The following ZCCHC2 variants were observed in gnomAD, a reference collection of about 807,000 sequenced individuals.
The protein encoded by ZCCHC2 is zinc finger CCHC domain-containing protein 2.
ZCCHC2 carries 39 observed loss-of-function variants against 103.6 expected under a neutral mutation model. The observed-to-expected ratio is 0.38, with a 90% CI of 0.29 to 0.49. ZCCHC2 has a LOEUF of 0.49. ZCCHC2 is among the 20% of genes least tolerant of loss of function. The pLI is 0.96. For synonymous variants in ZCCHC2, 687 were observed against 608.9 expected (o/e 1.13, Z -1.89); for missense variants, 1,483 against 1,491.0 (o/e 0.99, Z 0.09).
At position 62,550,478 on chromosome 18, in the gene ZCCHC2, G is replaced by A. The variant is rs767652299; in HGVS notation, c.1313+18G>A. 5.7e-6 allele frequency: 9 copies of A among 1,587,468 alleles called. No homozygotes were observed. The highest frequency in any genetic ancestry group is 2.3e-5 in the South Asian group (2 of 88,860). ...ATCCTAAGGTAATGATTTACCTGAC[G>A]CCTATCATAGCAGCATACACACAGG... On this transcript the variant is annotated intron_variant, in intron 5 of 13. Coordinates refer to ENST00000269499, the MANE Select transcript of ZCCHC2 (RefSeq NM_017742.6).
chr18:62,558,846 A>T, intron 7 of ZCCHC2, 76 bp downstream of exon 7: 1 of 951,110 alleles, frequency 1.1e-6, no homozygotes. Context: ...GAGTGAAGAA[A>T]CTGACATATA....
chr18:62,546,412 C>A (rs1915411777), intron 4 of ZCCHC2, among the ~76,000 whole-genome samples: 1 of 152,218 alleles, frequency 6.6e-6, no homozygotes, highest in Non-Finnish European at 1.5e-5. Flanking sequence ...TTATTTCTTT[C>A]TTTTCTCTCA....
chr18:62,527,182 A>G (rs1357680520), intron 1 of ZCCHC2, among the ~76,000 whole-genome samples: 1 of 151,966 alleles, frequency 6.6e-6, no homozygotes, highest in African/African-American at 2.4e-5. Flanking sequence ...TCTCTTTTCT[A>G]TTAAAGTAAG....
Position 62,574,221 on chromosome 18 carries a change from C to G in ZCCHC2, c.2140C>G (p.Gln714Glu). ...LEDPLNSPKY[Q>E]HISFMPTLHC... ...AGATCCCTTAAACTCACCCAAGTAT[C>G]AGCATATTTCTTTTATGCCAACGTT... The change falls in exon 13 of 14, where the codon CAG becomes GAG. Residue 714 changes from glutamine to glutamate, a missense_variant. This residue lies in a region of ZCCHC2 where 884 missense variants were observed against 907.5 expected (regional missense o/e 0.97). Transcript: ENST00000269499. The G allele has an allele frequency of 1.2e-6, 2 of 1,614,038 alleles. No homozygotes were observed. Among genetic ancestry groups the G allele is most frequent in the Non-Finnish European group, 1.7e-6 (2 of 1,179,898 alleles).
intron 1 of ZCCHC2, among the ~76,000 whole-genome samples, chr18:62,531,129 CTG>C (rs1007472227): frequency 2.0e-4 from 31 of 152,044 alleles, no homozygotes; most frequent in African/African-American, 7.5e-4. Flanking sequence ...ATTTTATTGA[CTG>C]TGTTTTTCGT....
intron 13 of ZCCHC2, 52 bp downstream of exon 13, chr18:62,575,602 T>C (rs1916811132): frequency 1.3e-6 from 2 of 1,553,706 alleles, no homozygotes; most frequent in African/African-American, 2.7e-5. Flanking sequence ...TCATTTCTCC[T>C]TCCTTTCCTT....
chr18:62,544,689 C>A, intron 3 of ZCCHC2, 113 bp from the exon 4 acceptor site: 1 of 792,402 alleles, frequency 1.3e-6, no homozygotes. Flanking sequence ...ATATTTCTAA[C>A]TGTTAATCTT....
At chr18:62,525,897 A>G (rs1460567397) in intron 1 of ZCCHC2, 1 of 152,168 alleles carries the variant, frequency 6.6e-6, no homozygotes, top group Non-Finnish European at 1.5e-5. Flanking sequence ...TAGAGACAAA[A>G]ACATGAATTC....
At chr18:62,563,348 T>A (rs888247169) in intron 9 of ZCCHC2, among the ~76,000 whole-genome samples, 10 of 152,200 alleles carry the variant, frequency 6.6e-5, no homozygotes, top group African/African-American at 2.4e-4. Flanking sequence ...ATTGCTTGTG[T>A]AAGATTAGTA....
Position 62,524,375 on chromosome 18 carries a change from G to A in ZCCHC2, c.939+12G>A. ...GCCCCAGGGCCCAGGTAAGGCGCAC[G>A]GAGCCTCCCTGGACTCGCGGTGCGA... is the stretch of plus-strand genomic sequence containing the variant. On this transcript the variant is annotated intron_variant, in intron 1 of 13. Coordinates refer to ENST00000269499, the MANE Select transcript of ZCCHC2 (RefSeq NM_017742.6). 1 of 1,494,948 alleles carries A rather than the reference G, an allele frequency of 6.7e-7. No individual in the cohort carries two copies. Among genetic ancestry groups the A allele is most frequent in the Non-Finnish European group, 8.9e-7 (1 of 1,126,032 alleles). 92.6% of individuals were successfully genotyped at this position (1,494,948 alleles called of 1,614,324 possible).
At chr18:62,565,141 T>G in intron 11 of ZCCHC2, 45 bp downstream of exon 11, 1 of 1,356,154 alleles carries the variant, frequency 7.4e-7, no homozygotes, top group Non-Finnish European at 1.1e-6. Context: ...CATAAATATA[T>G]TCAGCATGAT....
In ZCCHC2 at chr18:62,523,274, G is replaced by A. The variant is rs1371242505; in HGVS notation, c.-151G>A. ...CCGCCGGCCGGCCACCGCCCCCCTCGCCGGCCGAGACCCGCCCCCGGCCCC... is the reference window on the plus strand; with the variant it reads ...CCGCCGGCCGGCCACCGCCCCCCTCACCGGCCGAGACCCGCCCCCGGCCCC... On this transcript the variant is annotated 5_prime_UTR_variant, in exon 1 of 14. Transcript: ENST00000269499. 2 of 673,958 alleles carry A rather than the reference G, an allele frequency of 3.0e-6. No individual in the cohort carries two copies. Among genetic ancestry groups the A allele is most frequent in the African/African-American group, 4.1e-5 (2 of 48,714 alleles). 41.7% of individuals were successfully genotyped at this position (673,958 alleles called of 1,614,324 possible).
intron 1 of ZCCHC2, among the ~76,000 whole-genome samples, chr18:62,531,791 T>TAAAAAAAAA (rs11315078): frequency 5.3e-5 from 6 of 113,466 alleles, no homozygotes; most frequent in Non-Finnish European, 9.0e-5. Flanking sequence ...CTACAAAAAG[T>TAAAAAAAAA]AAAAAAAAAA....
chr18:62,528,520 A>C (rs1568536046), intron 1 of ZCCHC2, among the ~76,000 whole-genome samples: 1 of 150,522 alleles, frequency 6.6e-6, no homozygotes, highest in African/African-American at 2.5e-5. Flanking sequence ...AATCGCTTGA[A>C]CCTGGGAGGC....
Position 62,576,791 on chromosome 18 carries a change from A to G in ZCCHC2, c.*212A>G. Reference sequence around the variant, plus strand: ...TCTCCTGGTTCAACAACAGGCTTATATGTATGATACATGTAATTTAAACCT... The same window carrying G: ...TCTCCTGGTTCAACAACAGGCTTATGTGTATGATACATGTAATTTAAACCT... On this transcript the variant is annotated 3_prime_UTR_variant, in exon 14 of 14. Coordinates refer to ENST00000269499, the MANE Select transcript of ZCCHC2 (RefSeq NM_017742.6). The G allele has an allele frequency of 2.0e-6, 1 of 490,680 alleles. No homozygotes were observed. Among genetic ancestry groups the G allele is most frequent in the Admixed American group, 3.7e-5 (1 of 27,216 alleles). The allele number at this position is 490,680 out of a possible 1,614,324, so 30.4% of individuals were successfully genotyped here. A position where few individuals can be genotyped will look rare whatever the true frequency, so the allele number is the denominator to read the frequency against.
chr18:62,541,991 CAAAT>C (rs1555785973), intron 2 of ZCCHC2, among the ~76,000 whole-genome samples: 4 of 152,072 alleles, frequency 2.6e-5, no homozygotes, highest in African/African-American at 4.8e-5. Flanking sequence ...ACATTTGAGA[CAAAT>C]AATTTTTAAA....
chr18:62,576,115 G>C (rs1916832333), intron 13 of ZCCHC2, among the ~76,000 whole-genome samples: 1 of 151,596 alleles, frequency 6.6e-6, no homozygotes. Context: ...AAAGGAATTT[G>C]AACAAAGTTT....
chr18:62,547,446 A>C (rs1341330866), intron 4 of ZCCHC2, among the ~76,000 whole-genome samples: 1 of 152,044 alleles, frequency 6.6e-6, no homozygotes, highest in East Asian at 1.9e-4. Context: ...TAGTGTGGAA[A>C]TATGAGTTGG....
chr18:62,565,735 A>G lies in ZCCHC2; in HGVS notation c.1846+639A>G, dbSNP rs376447338. Among the ~76,000 whole-genome samples, 13 of 152,308 alleles carry G rather than the reference A, an allele frequency of 8.5e-5. No homozygotes were observed. In the East Asian group the frequency reaches 1.2e-3, roughly 14 times the overall value. On this transcript the variant is annotated intron_variant, in intron 11 of 13. Coordinates refer to ENST00000269499, the MANE Select transcript of ZCCHC2 (RefSeq NM_017742.6). ...TAAGAGCACGCAGACCTCTAGGAGA[A>G]TATTTTATCCCTGGGTGCCCCTGAC... is the stretch of plus-strand genomic sequence containing the variant.
Sources: allele counts gnomAD v4.1 joint callset (sites outside exome capture counted in the v4.1 genomes callset), GRCh38; gene constraint gnomAD v4.1.1; regional missense constraint gnomAD v4.1.1; transcripts MANE v1.5; gene names NCBI Gene and HGNC (gene_info 2026-07-23, HGNC 2026-07-21).